Variants in DENND2A observed in about 807,000 individuals in gnomAD.
DENND2A encodes the protein DENN domain containing 2A, also known as DENN domain-containing protein 2A.
DENND2A carries 53 observed loss-of-function variants against 105.3 expected under a neutral mutation model. The observed-to-expected ratio is 0.50, with a 90% CI of 0.40 to 0.63. The LOEUF (loss-of-function observed/expected upper bound fraction) is 0.63. DENND2A is among the 30% of genes least tolerant of loss of function. The pLI, the probability that DENND2A is intolerant of heterozygous loss-of-function variation, is 0.00. For synonymous variants in DENND2A, 522 were observed against 508.4 expected, an observed-to-expected ratio of 1.03 and a Z score of -0.36; for missense variants, 1,138 against 1,279.6, an observed-to-expected ratio of 0.89 and a Z score of 1.69.
chr7:140,636,861 TTTTA>T (rs1391850844), intron 1 of DENND2A, among the ~76,000 whole-genome samples: 9 of 152,092 alleles, frequency 5.9e-5, no homozygotes, highest in African/African-American at 1.7e-4. Context: ...GGTTAATTTC[TTTTA>T]TTTATTTATT....
In DENND2A at chr7:140,523,584, C is replaced by CT. The variant is rs35942512; in HGVS notation, c.2548-161dup. Among the ~76,000 whole-genome samples, 365 of 149,794 alleles carry CT rather than the reference C, an allele frequency of 2.4e-3. 3 individuals carry two copies. Among genetic ancestry groups the CT allele is most frequent in the African/African-American group, 8.1e-3 (334 of 40,998 alleles). ...GTCTGAGGTTTCAATCTTGAGCCTA[C>CT]TTTTTTTTTTGAGACAGAGTTTCAC... On this transcript the variant is annotated intron_variant, in intron 16 of 19. Coordinates refer to ENST00000496613, the MANE Select transcript of DENND2A (RefSeq NM_015689.5). This position sits in a 1 kb window ranked among gnomAD's most constrained non-coding sequence, Gnocchi z 4.5.
rs1181013426 is a variant in DENND2A, at chr7:140,587,733, C to T, written c.1043G>A (p.Ser348Asn). The stretch of plus-strand genomic sequence containing the variant: ...AGTCTGCGCGTACCAGTCCACCCTG[C>T]TGCTCTCAGAGGAAGACTGCAGTAA... The part of the protein sequence containing the change: ...EDLLQSSSES[S>N]RVDWYAQTKL... Residue 348 changes from serine to asparagine, a missense_variant, in exon 4 of 20, where the codon AGC becomes AAC. Coordinates refer to ENST00000496613, the MANE Select transcript of DENND2A (RefSeq NM_015689.5). The T allele has an allele frequency of 1.9e-6, 3 of 1,610,996 alleles. No individual in the cohort carries two copies. Among genetic ancestry groups the T allele is most frequent in the Non-Finnish European group, 2.5e-6 (3 of 1,177,620 alleles).
At chr7:140,576,696 A>G (rs1318090843) in intron 5 of DENND2A, among the ~76,000 whole-genome samples, 5 of 152,224 alleles carry the variant, frequency 3.3e-5, no homozygotes, top group Non-Finnish European at 7.3e-5. Flanking sequence ...GCCAGCTCCA[A>G]TGTTTTATCA....
intron 3 of DENND2A, among the ~76,000 whole-genome samples, chr7:140,594,630 G>C (rs190053649): frequency 6.6e-6 from 1 of 152,358 alleles, no homozygotes; most frequent in East Asian, 1.9e-4. Context: ...CGTGAGGACA[G>C]AGTCTCCGTC....
rs754785886 is a variant in DENND2A at position 140,601,763 on chromosome 7, T to G, written c.635A>C (p.Glu212Ala). 1.2e-6 allele frequency: 2 copies of G among 1,613,980 alleles called. No homozygotes were observed. The highest frequency in any genetic ancestry group is 1.7e-6 in the Non-Finnish European group (2 of 1,179,964). The change falls in exon 3 of 20, where the codon GAA becomes GCA. Residue 212 changes from glutamate to alanine, a missense_variant. Transcript: ENST00000496613. The stretch of plus-strand genomic sequence containing the variant: ...CGAGGGGTGGACCCTCTGGCTGACT[T>G]CTGAGCCACTCCCGCCTCCCAGGTT... Reference protein sequence around the residue: ...PENLGGGSGSEVSQRVHPSDL... With the variant: ...PENLGGGSGSAVSQRVHPSDL...
At chr7:140,542,971 C>A (rs1796733296) in intron 14 of DENND2A, among the ~76,000 whole-genome samples, 1 of 152,018 alleles carries the variant, frequency 6.6e-6, no homozygotes, top group Non-Finnish European at 1.5e-5. Flanking sequence ...TGAGTGTTGG[C>A]CCTCAGAACT....
intron 1 of DENND2A, among the ~76,000 whole-genome samples, chr7:140,629,992 G>C (rs1170040716): frequency 6.6e-6 from 1 of 151,734 alleles, no homozygotes; most frequent in African/African-American, 2.4e-5. Context: ...CGAGTAGCTG[G>C]GATTACAACA....
chr7:140,597,588 TA>T (rs1311634535), intron 3 of DENND2A, among the ~76,000 whole-genome samples: 2 of 152,148 alleles, frequency 1.3e-5, no homozygotes, highest in African/African-American at 4.8e-5. Flanking sequence ...TGGACTGAAA[TA>T]AGTAACTTTA....
At chr7:140,547,604 C>T (rs1796959816) in intron 12 of DENND2A, among the ~76,000 whole-genome samples, 1 of 152,088 alleles carries the variant, frequency 6.6e-6, no homozygotes, top group African/African-American at 2.4e-5. Context: ...ATAGAGTTAC[C>T]ATATGACCCA....
intron 1 of DENND2A, among the ~76,000 whole-genome samples, chr7:140,628,538 T>TTC (rs1439539849): frequency 1.5e-5 from 2 of 129,884 alleles, no homozygotes; most frequent in African/African-American, 7.5e-5. Flanking sequence ...ATTTCTTTCT[T>TTC]TTTTTTTTTT....
At chr7:140,539,586 C>A (rs1796577410) in intron 14 of DENND2A, among the ~76,000 whole-genome samples, 1 of 152,226 alleles carries the variant, frequency 6.6e-6, no homozygotes, top group Non-Finnish European at 1.5e-5. Flanking sequence ...CTCTCCAAAG[C>A]CCGGCAGCTC....
chr7:140,637,302 A>G (rs1392074316), intron 1 of DENND2A, among the ~76,000 whole-genome samples: 1 of 152,240 alleles, frequency 6.6e-6, no homozygotes, highest in Non-Finnish European at 1.5e-5. Context: ...TCCCACTCCT[A>G]CTGAATGTCA....
chr7:140,567,328 G>A lies in DENND2A; in HGVS notation c.1592-55C>T, dbSNP rs1033315183. On this transcript the variant is annotated intron_variant, in intron 8 of 19. Coordinates refer to ENST00000496613, the MANE Select transcript of DENND2A (RefSeq NM_015689.5). ...AAAGAGAGAGAGAGAGAGAGAGAGA[G>A]AGAGAGAGAGAGAGAGACAGAGTGA... 78 of 1,419,220 alleles carry A rather than the reference G, an allele frequency of 5.5e-5. 1 individual carries two copies. Among genetic ancestry groups the A allele is most frequent in the Non-Finnish European group, 6.9e-5 (73 of 1,063,352 alleles). 87.9% of individuals were successfully genotyped at this position (1,419,220 alleles called of 1,614,324 possible).
At chr7:140,544,927 G>C (rs1796834280) in intron 13 of DENND2A, 161 bp from the exon 14 acceptor site, 1 of 950,408 alleles carries the variant, frequency 1.1e-6, no homozygotes, top group Non-Finnish European at 1.3e-6. Context: ...TGGGGGAAAA[G>C]AAAGATGCCA....
rs61588730 is a variant in DENND2A at position 140,543,057 on chromosome 7, A to AG, written c.2327+1560dup. On this transcript the variant is annotated intron_variant, in intron 14 of 19. Coordinates refer to ENST00000496613, the MANE Select transcript of DENND2A (RefSeq NM_015689.5). ...CTACCTGCCTCTAATGTGGTCCTGG[A>AG]GAGTCGGCTTATGTCTCTGTTACCC... 5.8e-3 allele frequency among the ~76,000 whole-genome samples: 874 copies of AG among 151,802 alleles called. 5 individuals carry two copies. Among genetic ancestry groups the AG allele is most frequent in the African/African-American group, 0.019 (804 of 41,396 alleles).
intron 16 of DENND2A, among the ~76,000 whole-genome samples, chr7:140,524,169 G>T (rs1454904515): frequency 6.6e-6 from 1 of 152,134 alleles, no homozygotes; most frequent in Non-Finnish European, 1.5e-5. Context: ...TGTGGGCCTT[G>T]AGGAAGTGAA....
At chr7:140,537,574 T>C (rs1309315998) in intron 14 of DENND2A, among the ~76,000 whole-genome samples, 1 of 152,242 alleles carries the variant, frequency 6.6e-6, no homozygotes. Flanking sequence ...CCTGAGTAGC[T>C]GGAACTACAG....
chr7:140,548,085 T>C (rs1367861377), intron 12 of DENND2A, among the ~76,000 whole-genome samples: 1 of 151,644 alleles, frequency 6.6e-6, no homozygotes, highest in African/African-American at 2.4e-5. Context: ...GAACTGTATA[T>C]ATTTTTTATT....
At chr7:140,585,474 C>T in intron 5 of DENND2A, 115 bp downstream of exon 5, 1 of 1,432,718 alleles carries the variant, frequency 7.0e-7, no homozygotes, top group East Asian at 2.3e-5. Flanking sequence ...AATCCAGGAG[C>T]CCGGCAGGGC....
Sources: allele counts gnomAD v4.1 joint callset (sites outside exome capture counted in the v4.1 genomes callset), GRCh38; gene constraint gnomAD v4.1.1; non-coding constraint Gnocchi (gnomAD v3.1); transcripts MANE v1.5; gene names NCBI Gene and HGNC (gene_info 2026-07-23, HGNC 2026-07-21).